The following NUBPL variants were observed in gnomAD, a reference collection of about 807,000 sequenced individuals.
The protein encoded by NUBPL is iron-sulfur cluster transfer protein NUBPL.
NUBPL carries 31 observed loss-of-function variants against 45.7 expected under a neutral mutation model. That is an observed-to-expected ratio of 0.68 (90% CI 0.51 to 0.92). The LOEUF (loss-of-function observed/expected upper bound fraction) is 0.92. NUBPL is among the 40% of genes least tolerant of loss of function. NUBPL has a pLI of 0.00. For synonymous variants in NUBPL, 144 were observed against 140.9 expected (o/e 1.02, Z -0.15); for missense variants, 401 against 398.7 (o/e 1.01, Z -0.05).
chr14:31,598,481 T>C (rs1266864901), intron 3 of NUBPL, among the ~76,000 whole-genome samples: 3 of 152,136 alleles, frequency 2.0e-5, no homozygotes, highest in African/African-American at 4.8e-5. Flanking sequence ...CAGTAACAGA[T>C]TGATTTCATC....
intron 4 of NUBPL, among the ~76,000 whole-genome samples, chr14:31,667,092 G>A (rs1460410144): frequency 6.6e-6 from 1 of 152,052 alleles, no homozygotes; most frequent in African/African-American, 2.4e-5. Flanking sequence ...TTGAATGTTG[G>A]CCTGTCTTGC....
intron 4 of NUBPL, among the ~76,000 whole-genome samples, chr14:31,630,688 A>G (rs1488319590): frequency 6.6e-6 from 1 of 152,158 alleles, no homozygotes; most frequent in Admixed American, 6.5e-5. Flanking sequence ...GTGGGTCCAG[A>G]GCAGCCTTTA....
At chr14:31,599,583 A>G (rs1271007753) in intron 4 of NUBPL, among the ~76,000 whole-genome samples, 1 of 152,254 alleles carries the variant, frequency 6.6e-6, no homozygotes, top group Non-Finnish European at 1.5e-5. Context: ...TTCCTATGGC[A>G]TATTTCTGGT....
chr14:31,824,386 A>G (rs535437408), intron 7 of NUBPL, among the ~76,000 whole-genome samples: 1 of 152,268 alleles, frequency 6.6e-6, no homozygotes, highest in Non-Finnish European at 1.5e-5. Context: ...CCCGCACCCC[A>G]TACTGACTTA....
chr14:31,793,077 T>C (rs2039411618), intron 7 of NUBPL, among the ~76,000 whole-genome samples: 1 of 152,204 alleles, frequency 6.6e-6, no homozygotes, highest in South Asian at 2.1e-4. Flanking sequence ...TTTAAGATAC[T>C]CTGTGTTCTT....
At position 31,562,188 on chromosome 14, in the gene NUBPL, G is replaced by C. The variant is rs1304944274; in HGVS notation, c.229G>C (p.Gly77Arg). 6.2e-7 allele frequency: 1 copy of C among 1,614,030 alleles called. No individual in the cohort carries two copies. Among genetic ancestry groups the C allele is most frequent in the South Asian group, 1.1e-5 (1 of 91,072 alleles). ...AGTTATAGTTGTGGCTTCTGGAAAG[G>C]GTGGAGTCGGAAAATCTACTACAGC... ...KQVIVVASGK[G>R]GVGKSTTAVN... is the part of the protein sequence containing the mutation. Residue 77 changes from glycine to arginine, a missense_variant, in exon 2 of 11, where the codon GGT (glycine) becomes CGT (arginine). Physicochemically the swap from Gly to Arg is moderately radical, Grantham distance 125. Coordinates refer to ENST00000281081, the MANE Select transcript of NUBPL (RefSeq NM_025152.3).
chr14:31,591,598 G>A (rs2034144801), intron 3 of NUBPL, among the ~76,000 whole-genome samples: 2 of 152,144 alleles, frequency 1.3e-5, no homozygotes, highest in Non-Finnish European at 2.9e-5. Context: ...GAAAATGGTT[G>A]TTAGGAATAG....
intron 6 of NUBPL, among the ~76,000 whole-genome samples, chr14:31,677,930 T>C (rs1303386010): frequency 6.6e-6 from 1 of 152,160 alleles, no homozygotes; most frequent in Non-Finnish European, 1.5e-5. Context: ...AGAGATGCCA[T>C]CTGGGAGCCA....
intron 10 of NUBPL, among the ~76,000 whole-genome samples, chr14:31,857,046 G>A (rs565441890): frequency 2.0e-4 from 30 of 152,278 alleles, no homozygotes; most frequent in African/African-American, 6.7e-4. Context: ...GAGGTTCTTC[G>A]TAAGGACCTC....
At chr14:31,737,319 G>A (rs2139991233) in intron 6 of NUBPL, among the ~76,000 whole-genome samples, 2 of 152,298 alleles carry the variant, frequency 1.3e-5, no homozygotes, top group Middle Eastern at 6.8e-3. Context: ...TGAATAGTGT[G>A]AAATAAGTGT....
intron 7 of NUBPL, among the ~76,000 whole-genome samples, chr14:31,821,591 G>A (rs1284386709): frequency 6.6e-6 from 1 of 152,220 alleles, no homozygotes; most frequent in Non-Finnish European, 1.5e-5. Context: ...TGGTAGGAAT[G>A]TAAATTAGTA....
chr14:31,687,386 A>G (rs943614266), intron 6 of NUBPL, among the ~76,000 whole-genome samples: 4 of 152,258 alleles, frequency 2.6e-5, no homozygotes, highest in African/African-American at 7.2e-5. Context: ...TACCTAAAGT[A>G]TACACAAATC....
At chr14:31,755,194 A>G (rs2038630957) in intron 6 of NUBPL, among the ~76,000 whole-genome samples, 1 of 152,152 alleles carries the variant, frequency 6.6e-6, no homozygotes, top group South Asian at 2.1e-4. Flanking sequence ...CAGGATTTAT[A>G]GTCCTTTGGG....
At chr14:31,566,781 C>T (rs900149181) in intron 3 of NUBPL, among the ~76,000 whole-genome samples, 1 of 151,964 alleles carries the variant, frequency 6.6e-6, no homozygotes, top group African/African-American at 2.4e-5. Flanking sequence ...GAGGTAGGTC[C>T]GAGTCAGAGT....
At chr14:31,569,885 T>C (rs2033535863) in intron 3 of NUBPL, among the ~76,000 whole-genome samples, 2 of 152,220 alleles carry the variant, frequency 1.3e-5, no homozygotes, top group African/African-American at 2.4e-5. Flanking sequence ...TTGATTTTTC[T>C]TTTTTCTCTT....
chr14:31,684,524 A>T (rs1158444257), intron 6 of NUBPL, among the ~76,000 whole-genome samples: 2 of 152,216 alleles, frequency 1.3e-5, no homozygotes, highest in Non-Finnish European at 2.9e-5. Flanking sequence ...ATGAATACAG[A>T]TCGGAAAGCT....
chr14:31,706,211 A>C (rs535496124), intron 6 of NUBPL, among the ~76,000 whole-genome samples: 1 of 152,286 alleles, frequency 6.6e-6, no homozygotes, highest in East Asian at 1.9e-4. Context: ...TGACCACTCT[A>C]GCTACTTCCT....
chr14:31,822,009 A>C (rs1595679019), intron 7 of NUBPL, among the ~76,000 whole-genome samples: 1 of 152,120 alleles, frequency 6.6e-6, no homozygotes, highest in East Asian at 1.9e-4. Flanking sequence ...GGACAGAGAG[A>C]GTAGAGGATA....
intron 6 of NUBPL, among the ~76,000 whole-genome samples, chr14:31,685,536 A>G (rs1019805644): frequency 6.6e-6 from 1 of 152,070 alleles, no homozygotes; most frequent in Non-Finnish European, 1.5e-5. Flanking sequence ...GGACAGCCAT[A>G]CCTTTTACAA....
Sources: allele counts gnomAD v4.1 joint callset (sites outside exome capture counted in the v4.1 genomes callset), GRCh38; gene constraint gnomAD v4.1.1; transcripts MANE v1.5; gene names NCBI Gene and HGNC (gene_info 2026-07-23, HGNC 2026-07-21).